Variants in ASB13 observed in about 807,000 individuals in gnomAD.
ASB13 encodes the protein ankyrin repeat and SOCS box containing 13.
In ASB13, 33 loss-of-function variants were observed where a neutral mutation model predicts 28.8. The observed-to-expected ratio is 1.15, with a 90% CI of 0.87 to 1.53. The LOEUF (loss-of-function observed/expected upper bound fraction) is 1.53. Ranked by LOEUF, ASB13 falls within the 40% of genes most tolerant of loss-of-function variation. The pLI is 0.00. For synonymous variants in ASB13, 182 were observed against 172.9 expected (o/e 1.05, Z -0.41); for missense variants, 414 against 390.1 (o/e 1.06, Z -0.52).
chr10:5,642,531 G>C lies in ASB13; in HGVS notation c.518-570C>G, dbSNP rs534024598. The C allele has an allele frequency of 3.2e-6, 4 of 1,246,308 alleles. No individual in the cohort carries two copies. The highest frequency in any genetic ancestry group is 2.2e-4 in the Middle Eastern group (1 of 4,480). The allele number at this position is 1,246,308 out of a possible 1,614,324, so 77.2% of individuals were successfully genotyped here. A position where few individuals can be genotyped will look rare whatever the true frequency, so the allele number is the denominator to read the frequency against. On this transcript the variant is annotated intron_variant, in intron 4 of 5. Coordinates refer to ENST00000357700, the MANE Select transcript of ASB13 (RefSeq NM_024701.4). The surrounding 1 kb of genome is among the most constrained non-coding windows in gnomAD (Gnocchi z 4.1). ...GCTCTGCACTCCTCAACTTTCTCAC[G>C]ATAAGAGCAGACATTCATCAAGCTG...
Position 5,664,704 on chromosome 10 carries a change from G to A in ASB13, c.43+1805C>T, listed in dbSNP as rs894108474. On this transcript the variant is annotated intron_variant, in intron 1 of 5. Transcript: ENST00000357700. The surrounding 1 kb of genome is among the most constrained non-coding windows in gnomAD (Gnocchi z 4.2). ...TATTTATTTTATTTATTTTTGAGAC[G>A]GAGTCTCACTCTGTCGCCCAGGCTG... Among the ~76,000 whole-genome samples the A allele has an allele frequency of 2.0e-5, 3 of 151,956 alleles. No individual in the cohort carries two copies. The highest frequency in any genetic ancestry group is 2.4e-5 in the African/African-American group (1 of 41,378).
At position 5,642,004 on chromosome 10, in the gene ASB13, C is replaced by T. The variant is rs374801343; in HGVS notation, c.518-43G>A. The T allele has an allele frequency of 1.0e-5, 16 of 1,575,492 alleles. No individual in the cohort carries two copies. Among genetic ancestry groups the T allele is most frequent in the Admixed American group, 1.7e-5 (1 of 58,444 alleles). ...AGAAGAGATTTCACCAAGAAGAGAA[C>T]TTGAAGTCAGGGGGACAATCAGGTC... On this transcript the variant is annotated intron_variant, in intron 4 of 5. Coordinates refer to ENST00000357700, the MANE Select transcript of ASB13 (RefSeq NM_024701.4). This position sits in a 1 kb window ranked among gnomAD's most constrained non-coding sequence, Gnocchi z 4.1.
Position 5,666,557 on chromosome 10 carries a change from T to A in ASB13, c.-6A>T. On this transcript the variant is annotated 5_prime_UTR_variant, in exon 1 of 6. Coordinates refer to ENST00000357700, the MANE Select transcript of ASB13 (RefSeq NM_024701.4). ...TCCGCCGCCCGGGGCTCCATGCGGC[T>A]CACCGGCGGCCGCGCGGCGACTCTG... 8.5e-7 allele frequency: 1 copy of A among 1,170,198 alleles called. No homozygotes were observed. Among genetic ancestry groups the A allele is most frequent in the Non-Finnish European group, 1.1e-6 (1 of 948,460 alleles). 72.5% of individuals were successfully genotyped at this position (1,170,198 alleles called of 1,614,324 possible). A position where few individuals can be genotyped will look rare whatever the true frequency, so the allele number is the denominator to read the frequency against.
Position 5,645,406 on chromosome 10 carries a change from A to C in ASB13, c.518-3445T>G, listed in dbSNP as rs888436404. Among the ~76,000 whole-genome samples, 1 of 152,208 alleles carries C rather than the reference A, an allele frequency of 6.6e-6. No homozygotes were observed. Among genetic ancestry groups the C allele is most frequent in the African/African-American group, 2.4e-5 (1 of 41,460 alleles). On this transcript the variant is annotated intron_variant, in intron 4 of 5. Coordinates refer to ENST00000357700, the MANE Select transcript of ASB13 (RefSeq NM_024701.4). The surrounding 1 kb of genome is among the most constrained non-coding windows in gnomAD (Gnocchi z 5.4). ...CCGAACACTCCTGGCAGAGTTCAACATTCACTGTCAGTGATCAGATTAAAA... is the reference window on the plus strand; with the variant it reads ...CCGAACACTCCTGGCAGAGTTCAACCTTCACTGTCAGTGATCAGATTAAAA...
chr10:5,662,539 G>T (rs1189370344), intron 1 of ASB13, among the ~76,000 whole-genome samples: 4 of 40,338 alleles, frequency 9.9e-5, no homozygotes, highest in East Asian at 4.8e-4. Flanking sequence ...AGAAGGGGGG[G>T]GGAGGGGAGG....
Position 5,661,235 on chromosome 10 carries a change from A to C in ASB13, c.43+5274T>G, listed in dbSNP as rs1027703372. ...TGGGCACCTCCAGAGCCCATCCTCC[A>C]CACTGCCCTGCCTGCACCCACACTG... On this transcript the variant is annotated intron_variant, in intron 1 of 5. Transcript: ENST00000357700. The surrounding 1 kb of genome is among the most constrained non-coding windows in gnomAD (Gnocchi z 4.9). Among the ~76,000 whole-genome samples, 5 of 152,038 alleles carry C rather than the reference A, an allele frequency of 3.3e-5. No homozygotes were observed. The highest frequency in any genetic ancestry group is 7.4e-5 in the Non-Finnish European group (5 of 67,994).
Position 5,659,931 on chromosome 10 carries a change from T to C in ASB13, c.43+6578A>G, listed in dbSNP as rs1835134022. Among the ~76,000 whole-genome samples the C allele has an allele frequency of 6.6e-6, 1 of 152,206 alleles. No homozygotes were observed. Among genetic ancestry groups the C allele is most frequent in the African/African-American group, 2.4e-5 (1 of 41,452 alleles). The stretch of plus-strand genomic sequence containing the variant: ...GACAGTGGCCTGAGACCTAACATGA[T>C]GCTTGCACACTCTGGCCAAGCGGGG... On this transcript the variant is annotated intron_variant, in intron 1 of 5. Coordinates refer to ENST00000357700, the MANE Select transcript of ASB13 (RefSeq NM_024701.4). The surrounding 1 kb of genome is among the most constrained non-coding windows in gnomAD (Gnocchi z 5.8).
At position 5,645,239 on chromosome 10, in the gene ASB13, GA is replaced by G. The variant is rs34089853; in HGVS notation, c.518-3279del. 0.067 allele frequency among the ~76,000 whole-genome samples: 9,661 copies of G among 144,226 alleles called. 590 individuals are homozygous for G. The highest frequency in any genetic ancestry group is 0.22 in the Admixed American group (3,286 of 14,718). The allele number at this position is 144,226 out of a possible 152,430, so 94.6% of individuals were successfully genotyped here. On this transcript the variant is annotated intron_variant, in intron 4 of 5. Coordinates refer to ENST00000357700, the MANE Select transcript of ASB13 (RefSeq NM_024701.4). The surrounding 1 kb of genome is among the most constrained non-coding windows in gnomAD (Gnocchi z 5.4). ...GGTGCTTGTTACCACAAGAGAAATT[GA>G]AAAAAAAAATTAAATTTAAAAAATT... is the stretch of plus-strand genomic sequence containing the variant.
In ASB13 at chr10:5,642,378, C is replaced by T. The variant is rs912915205; in HGVS notation, c.518-417G>A. The T allele has an allele frequency of 2.3e-5, 15 of 644,772 alleles. No individual in the cohort carries two copies. Among genetic ancestry groups the T allele is most frequent in the Non-Finnish European group, 2.5e-5 (12 of 472,598 alleles). 39.9% of individuals were successfully genotyped at this position (644,772 alleles called of 1,614,324 possible). A position where few individuals can be genotyped will look rare whatever the true frequency, so the allele number is the denominator to read the frequency against. ...ACACACTGCTTCTTCCTCTTGCGGG[C>T]CCAGGACGGAGGCTCCAGAAATACT... On this transcript the variant is annotated intron_variant, in intron 4 of 5. Coordinates refer to ENST00000357700, the MANE Select transcript of ASB13 (RefSeq NM_024701.4). The surrounding 1 kb of genome is among the most constrained non-coding windows in gnomAD (Gnocchi z 4.1).
rs1588513802 is a variant in ASB13, at chr10:5,652,195, C to A, written c.231+668G>T. Among the ~76,000 whole-genome samples, 1 of 152,124 alleles carries A rather than the reference C, an allele frequency of 6.6e-6. No homozygotes were observed. Among genetic ancestry groups the A allele is most frequent in the East Asian group, 1.9e-4 (1 of 5,192 alleles). On this transcript the variant is annotated intron_variant, in intron 2 of 5. Transcript: ENST00000357700. The surrounding 1 kb of genome is among the most constrained non-coding windows in gnomAD (Gnocchi z 5.0). ...TTTAGCATTTGTCCAAATTCAAATT[C>A]TATTTGGGTACACACTGAAATCGGT...
chr10:5,666,390 G>C, intron 1 of ASB13, 119 bp downstream of exon 1: 1 of 887,400 alleles, frequency 1.1e-6, no homozygotes, highest in Non-Finnish European at 1.4e-6. Context: ...AAACGCCCCC[G>C]CCCACGGAGC....
In ASB13 at chr10:5,664,329, A is replaced by G. The variant is rs1014647511; in HGVS notation, c.43+2180T>C. Among the ~76,000 whole-genome samples the G allele has an allele frequency of 1.3e-5, 2 of 151,888 alleles. No individual in the cohort carries two copies. Among genetic ancestry groups the G allele is most frequent in the South Asian group, 2.1e-4 (1 of 4,784 alleles). ...CACTGAACCAGGAGAGAGAGAACAC[A>G]GGACTCATTGCTTACCTGAGGGGCC... On this transcript the variant is annotated intron_variant, in intron 1 of 5. Transcript: ENST00000357700. This position sits in a 1 kb window ranked among gnomAD's most constrained non-coding sequence, Gnocchi z 4.2.
rs1834964685 is a variant in ASB13 at position 5,650,307 on chromosome 10, C to T, written c.382+906G>A. The stretch of plus-strand genomic sequence containing the variant: ...CCGTCTATCTGCACATGGAGGACCA[C>T]TAAATGAACCTTCCCCAAATTCTGT... On this transcript the variant is annotated intron_variant, in intron 3 of 5. Transcript: ENST00000357700. This position sits in a 1 kb window ranked among gnomAD's most constrained non-coding sequence, Gnocchi z 6.0. Among the ~76,000 whole-genome samples the T allele has an allele frequency of 2.6e-5, 4 of 152,226 alleles. No homozygotes were observed. Among genetic ancestry groups the T allele is most frequent in the African/African-American group, 7.2e-5 (3 of 41,454 alleles).
In ASB13 at chr10:5,652,018, A is replaced by ACC. The variant is rs1834992805; in HGVS notation, c.232-656_232-655insGG. On this transcript the variant is annotated intron_variant, in intron 2 of 5. Coordinates refer to ENST00000357700, the MANE Select transcript of ASB13 (RefSeq NM_024701.4). The surrounding 1 kb of genome is among the most constrained non-coding windows in gnomAD (Gnocchi z 5.0). Reference sequence around the variant, plus strand: ...CCTTATCTCAAAAAAAAAAAAAAAAAAAAAAAACCACACACACACACACAC... The same window carrying ACC: ...CCTTATCTCAAAAAAAAAAAAAAAAACCAAAAAAACCACACACACACACACAC... Among the ~76,000 whole-genome samples the ACC allele has an allele frequency of 1.2e-5, 1 of 82,668 alleles. No homozygotes were observed. The highest frequency in any genetic ancestry group is 2.5e-5 in the Non-Finnish European group (1 of 40,394). The allele number at this position is 82,668 out of a possible 152,430, so 54.2% of individuals were successfully genotyped here. A position where few individuals can be genotyped will look rare whatever the true frequency, so the allele number is the denominator to read the frequency against.
Position 5,645,613 on chromosome 10 carries a change from C to G in ASB13, c.517+3357G>C, listed in dbSNP as rs1048649650. Among the ~76,000 whole-genome samples, 1 of 152,182 alleles carries G rather than the reference C, an allele frequency of 6.6e-6. No homozygotes were observed. The highest frequency in any genetic ancestry group is 1.9e-4 in the East Asian group (1 of 5,186). On this transcript the variant is annotated intron_variant, in intron 4 of 5. Coordinates refer to ENST00000357700, the MANE Select transcript of ASB13 (RefSeq NM_024701.4). This position sits in a 1 kb window ranked among gnomAD's most constrained non-coding sequence, Gnocchi z 5.4. Reference sequence around the variant, plus strand: ...GCTCTCAAACCGCACATGAAAGCACCTGCACTCATGTGGGCCCCGACTGGT... The same window carrying G: ...GCTCTCAAACCGCACATGAAAGCACGTGCACTCATGTGGGCCCCGACTGGT...
At position 5,658,567 on chromosome 10, in the gene ASB13, T is replaced by G. The variant is rs1835108543; in HGVS notation, c.44-5517A>C. Among the ~76,000 whole-genome samples, 1 of 150,646 alleles carries G rather than the reference T, an allele frequency of 6.6e-6. No homozygotes were observed. The highest frequency in any genetic ancestry group is 2.1e-4 in the South Asian group (1 of 4,756). On this transcript the variant is annotated intron_variant, in intron 1 of 5. Transcript: ENST00000357700. This position sits in a 1 kb window ranked among gnomAD's most constrained non-coding sequence, Gnocchi z 4.2. ...TGCCAGGGGCTTGGGGGAGGAGAAATGGGGAGTTAGTGTTTCATGGGGACA... is the reference window on the plus strand; with the variant it reads ...TGCCAGGGGCTTGGGGGAGGAGAAAGGGGGAGTTAGTGTTTCATGGGGACA...
rs1834825110 is a variant in ASB13, at chr10:5,642,536, G to A, written c.518-575C>T. 1 of 1,251,342 alleles carries A rather than the reference G, an allele frequency of 8.0e-7. No homozygotes were observed. Among genetic ancestry groups the A allele is most frequent in the Non-Finnish European group, 1.0e-6 (1 of 977,974 alleles). 77.5% of individuals were successfully genotyped at this position (1,251,342 alleles called of 1,614,324 possible). A position where few individuals can be genotyped will look rare whatever the true frequency, so the allele number is the denominator to read the frequency against. On this transcript the variant is annotated intron_variant, in intron 4 of 5. Transcript: ENST00000357700. The surrounding 1 kb of genome is among the most constrained non-coding windows in gnomAD (Gnocchi z 4.1). ...GCACTCCTCAACTTTCTCACGATAA[G>A]AGCAGACATTCATCAAGCTGATTAA... is the stretch of plus-strand genomic sequence containing the variant.
intron 1 of ASB13, among the ~76,000 whole-genome samples, chr10:5,662,533 G>GT (rs754813507): frequency 0.018 from 122 of 6,736 alleles, 6 homozygotes; most frequent in East Asian, 0.063. Flanking sequence ...CTGTCGAGAA[G>GT]GGGGGGGGAG....
Position 5,642,375 on chromosome 10 carries a change from G to A in ASB13, c.518-414C>T, listed in dbSNP as rs568681290. The A allele has an allele frequency of 2.6e-5, 16 of 604,954 alleles. No individual in the cohort carries two copies. Among genetic ancestry groups the A allele is most frequent in the South Asian group, 2.0e-4 (7 of 35,798 alleles). The allele number at this position is 604,954 out of a possible 1,614,324, so 37.5% of individuals were successfully genotyped here. On this transcript the variant is annotated intron_variant, in intron 4 of 5. Coordinates refer to ENST00000357700, the MANE Select transcript of ASB13 (RefSeq NM_024701.4). This position sits in a 1 kb window ranked among gnomAD's most constrained non-coding sequence, Gnocchi z 4.1. The stretch of plus-strand genomic sequence containing the variant: ...GACACACACTGCTTCTTCCTCTTGC[G>A]GGCCCAGGACGGAGGCTCCAGAAAT...
Sources: allele counts gnomAD v4.1 joint callset (sites outside exome capture counted in the v4.1 genomes callset), GRCh38; gene constraint gnomAD v4.1.1; non-coding constraint Gnocchi (gnomAD v3.1); transcripts MANE v1.5; gene names NCBI Gene and HGNC (gene_info 2026-07-23, HGNC 2026-07-21).